FRK: variants seen among roughly 807,000 people sequenced by gnomAD.
The protein encoded by FRK is tyrosine-protein kinase FRK.
Under a neutral mutation model 56.4 loss-of-function variants are expected in FRK, and 51 were observed. The observed-to-expected ratio is 0.90, with a 90% CI of 0.72 to 1.14. FRK has a LOEUF of 1.14. FRK is among the 50% of genes most tolerant of loss of function. The pLI is 0.00. For synonymous variants in FRK, 245 were observed against 217.9 expected (o/e 1.12, Z -1.10); for missense variants, 570 against 601.4 (o/e 0.95, Z 0.55).
At chr6:116,100,436 G>C in the FRK span, among the ~76,000 whole-genome samples, 4 of 152,220 alleles carry the variant, frequency 2.6e-5, no homozygotes, top group Admixed American at 6.5e-5. Context: ...ATTAGCGGAT[G>C]AATTTTTTCT....
the FRK span, among the ~76,000 whole-genome samples, chr6:116,088,334 A>G: frequency 6.6e-6 from 1 of 152,190 alleles, no homozygotes; most frequent in Non-Finnish European, 1.5e-5. Flanking sequence ...AATAAAAAAA[A>G]CAGACATGAG....
At chr6:116,033,966 A>G (rs1240272341) in intron 1 of FRK, among the ~76,000 whole-genome samples, 1 of 152,092 alleles carries the variant, frequency 6.6e-6, no homozygotes. Flanking sequence ...GAGGCAAAGC[A>G]ATGTGTCTGG....
At chr6:116,078,712 A>C in the FRK span, among the ~76,000 whole-genome samples, 1 of 152,172 alleles carries the variant, frequency 6.6e-6, no homozygotes, top group African/African-American at 2.4e-5. Context: ...GACACACTAA[A>C]AGCCCCCTGC....
At chr6:115,960,037 A>T (rs1402003980) in intron 4 of FRK, among the ~76,000 whole-genome samples, 2 of 152,080 alleles carry the variant, frequency 1.3e-5, no homozygotes, top group Non-Finnish European at 2.9e-5. Flanking sequence ...TATCTAGGGG[A>T]GGAGCCAAGA....
intron 4 of FRK, among the ~76,000 whole-genome samples, chr6:115,958,672 GAAA>G (rs1562257135): frequency 1.5e-3 from 9 of 6,094 alleles, no homozygotes; most frequent in African/African-American, 5.4e-3. Context: ...AAGAAAGAAA[GAAA>G]GAAAGAAAGA....
intron 1 of FRK, among the ~76,000 whole-genome samples, chr6:116,029,237 C>T (rs530685805): frequency 1.3e-5 from 2 of 152,196 alleles, no homozygotes; most frequent in East Asian, 1.9e-4. Context: ...CTCAAAAATG[C>T]TTCTCATCTT....
At chr6:115,952,371 A>G (rs28875277) in intron 5 of FRK, among the ~76,000 whole-genome samples, 38 of 151,676 alleles carry the variant, frequency 2.5e-4, no homozygotes, top group African/African-American at 4.1e-4. Context: ...ACCACAATGA[A>G]ATACCATCTC....
chr6:115,972,121 G>A (rs914645405), intron 2 of FRK, among the ~76,000 whole-genome samples: 1 of 152,106 alleles, frequency 6.6e-6, no homozygotes, highest in South Asian at 2.1e-4. Context: ...TGTTTCCTGG[G>A]CAGTTCTCCC....
At chr6:116,063,714 A>G (rs1777697821), upstream of FRK, among the ~76,000 whole-genome samples, 1 of 152,212 alleles carries the variant, frequency 6.6e-6, no homozygotes, top group Non-Finnish European at 1.5e-5. Flanking sequence ...ATTACTTTGT[A>G]CCCCATAAAA....
rs181842829 is a variant in FRK, at chr6:116,003,871, C to T, written c.466+6G>A. The T allele has an allele frequency of 2.5e-6, 4 of 1,613,222 alleles. No homozygotes were observed. The Admixed American group carries it at 6.7e-5, about 27-fold the overall frequency. ...CATATTGAATGACACAAAACAATAC[C>T]CTTACCTGAAAGAGAGAATTCTCCT... On this transcript the variant is annotated splice_donor_region_variant and intron_variant, in intron 2 of 7. Transcript: ENST00000606080.
chr6:115,941,828 G>C lies in FRK; in HGVS notation c.*586C>G, dbSNP rs982273955. The C allele has an allele frequency of 2.6e-5, 4 of 152,526 alleles. No homozygotes were observed. The highest frequency in any genetic ancestry group is 7.3e-5 in the African/African-American group (3 of 41,378). The allele number at this position is 152,526 out of a possible 1,614,324, so 9.4% of individuals were successfully genotyped here. On this transcript the variant is annotated 3_prime_UTR_variant, in exon 8 of 8. Transcript: ENST00000606080. ...AAAAGACTTCGTTTTCTCAACAGCTGCATCATTTTTTTATGCATAGAAAAA... is the reference window on the plus strand; with the variant it reads ...AAAAGACTTCGTTTTCTCAACAGCTCCATCATTTTTTTATGCATAGAAAAA...
chr6:116,058,860 G>A (rs1013379910), intron 1 of FRK, among the ~76,000 whole-genome samples: 2 of 144,812 alleles, frequency 1.4e-5, no homozygotes, highest in African/African-American at 5.1e-5. Context: ...GCAGTGAGCC[G>A]AGATCGCGCC....
chr6:115,984,900 ATT>A (rs1256051810), intron 2 of FRK, among the ~76,000 whole-genome samples: 2 of 152,098 alleles, frequency 1.3e-5, no homozygotes. Context: ...GGAGATCTTA[ATT>A]TAGAGAGCTC....
At position 115,944,249 on chromosome 6, in the gene FRK, A is replaced by C. The variant is rs769630616; in HGVS notation, c.1135T>G (p.Phe379Val). 1.2e-6 allele frequency: 2 copies of C among 1,604,212 alleles called. No individual in the cohort carries two copies. The highest frequency in any genetic ancestry group is 1.7e-6 in the Non-Finnish European group (2 of 1,177,580). Residue 379 changes from phenylalanine (F) to valine (V), a missense_variant, in exon 6 of 8, where the codon TTT becomes GTT. Transcript: ENST00000606080. ...TAAAACAAAACTAAATCCACCTTAA[A>C]AACTCTGGCAAGTCCAAAATCTGCT... ...KVADFGLARV[F>V]KVDNEDIYES...
intron 1 of FRK, among the ~76,000 whole-genome samples, chr6:116,051,417 T>C (rs1284935653): frequency 6.6e-6 from 1 of 152,120 alleles, no homozygotes; most frequent in Non-Finnish European, 1.5e-5. Flanking sequence ...TAAAAAACTT[T>C]GTAGAAAAAA....
intron 5 of FRK, among the ~76,000 whole-genome samples, chr6:115,952,927 TG>T (rs1332550238): frequency 1.7e-5 from 1 of 57,374 alleles, no homozygotes; most frequent in East Asian, 6.3e-4. Flanking sequence ...TGTGGTGGGG[TG>T]GGGGGAGGGG....
the FRK span, among the ~76,000 whole-genome samples, chr6:116,066,902 A>G: frequency 6.6e-6 from 1 of 152,182 alleles, no homozygotes; most frequent in African/African-American, 2.4e-5. Flanking sequence ...TACCCAACCT[A>G]GCTTCTCTCT....
chr6:116,050,510 TA>T (rs1777143262), intron 1 of FRK, among the ~76,000 whole-genome samples: 2 of 152,188 alleles, frequency 1.3e-5, no homozygotes, highest in South Asian at 4.1e-4. Context: ...TCCCTAGATC[TA>T]ATAGTGGGCC....
chr6:115,949,023 G>A (rs757583111), intron 5 of FRK, among the ~76,000 whole-genome samples: 1 of 152,086 alleles, frequency 6.6e-6, no homozygotes, highest in Non-Finnish European at 1.5e-5. Context: ...TGTATTCCTA[G>A]GTATTTTATT....
Sources: gnomAD v4.1 joint callset for allele counts (sites outside exome capture counted in the v4.1 genomes callset) on GRCh38, gnomAD v4.1.1 for gene constraint, MANE v1.5 for transcripts, NCBI Gene and HGNC (gene_info 2026-07-23, HGNC 2026-07-21) for gene names.